The following GPHN variants were observed in gnomAD, a reference collection of about 807,000 sequenced individuals.
GPHN encodes gephyrin.
In GPHN, 17 loss-of-function variants were observed where a neutral mutation model predicts 95.5. That is an observed-to-expected ratio of 0.18 (90% CI 0.12 to 0.27). The LOEUF is 0.27. GPHN is among the 10% of genes least tolerant of loss of function. GPHN has a pLI of 1.00. For synonymous variants in GPHN, 320 were observed against 322.5 expected (o/e 0.99, Z 0.08); for missense variants, 660 against 978.1 (o/e 0.67, Z 4.34).
At chr14:66,573,350 T>A (rs923952316) in intron 1 of GPHN, among the ~76,000 whole-genome samples, 4 of 152,258 alleles carry the variant, frequency 2.6e-5, no homozygotes, top group Non-Finnish European at 4.4e-5. Flanking sequence ...GTCCTGGTAG[T>A]ATTTGTTTAC....
chr14:66,815,284 G>A (rs1452486186), intron 3 of GPHN, among the ~76,000 whole-genome samples: 1 of 152,144 alleles, frequency 6.6e-6, no homozygotes, highest in Non-Finnish European at 1.5e-5. Context: ...CCTAGCTAGA[G>A]AGGCCAACAT....
chr14:67,713,795 T>A, the GPHN span, among the ~76,000 whole-genome samples: 1 of 152,138 alleles, frequency 6.6e-6, no homozygotes, highest in African/African-American at 2.4e-5. Context: ...ACGTGAGACA[T>A]CAATCAACAT....
intron 2 of GPHN, among the ~76,000 whole-genome samples, chr14:66,769,137 C>T (rs898280591): frequency 7.9e-5 from 12 of 151,890 alleles, no homozygotes; most frequent in Non-Finnish European, 1.5e-4. Flanking sequence ...TGTCTCAAGA[C>T]AGTGAAGCAT....
the GPHN span, chr14:67,578,422 T>C: frequency 1.7e-5 from 15 of 860,560 alleles, no homozygotes; most frequent in South Asian, 1.5e-4. The surrounding 1 kb of genome is among the most constrained non-coding windows in gnomAD (Gnocchi z 5.0). Flanking sequence ...CCAGAGCAAG[T>C]TGGGGGCTCT....
At chr14:67,684,990 C>G in the GPHN span, 1 of 1,575,356 alleles carries the variant, frequency 6.3e-7, no homozygotes, top group Non-Finnish European at 8.6e-7. Flanking sequence ...TAAATCTCAT[C>G]TGCAAAAAGA....
the GPHN span, among the ~76,000 whole-genome samples, chr14:67,520,677 A>C: frequency 6.6e-6 from 1 of 152,014 alleles, no homozygotes; most frequent in African/African-American, 2.4e-5. Flanking sequence ...ATAAATTTCC[A>C]ACTCCTTTGG....
chr14:67,615,925 C>G, the GPHN span: 1 of 533,404 alleles, frequency 1.9e-6, no homozygotes. Context: ...AAGAAGTCTG[C>G]AAAGCTGAAG....
the GPHN span, chr14:67,360,272 A>T: frequency 5.0e-6 from 2 of 398,924 alleles, no homozygotes; most frequent in African/African-American, 2.1e-5. Context: ...CTCTATGGTT[A>T]ATGATGAAGA....
chr14:67,468,500 T>A, the GPHN span, among the ~76,000 whole-genome samples: 1 of 152,186 alleles, frequency 6.6e-6, no homozygotes, highest in African/African-American at 2.4e-5. Flanking sequence ...GTGGATGAAG[T>A]CCTTAGTGTT....
the GPHN span, among the ~76,000 whole-genome samples, chr14:67,346,370 G>A: frequency 6.6e-6 from 1 of 152,258 alleles, no homozygotes; most frequent in South Asian, 2.1e-4. Context: ...GGAGTGCAGT[G>A]GTGCGATCTC....
At chr14:67,539,809 C>CA in the GPHN span, among the ~76,000 whole-genome samples, 1 of 152,182 alleles carries the variant, frequency 6.6e-6, no homozygotes, top group Non-Finnish European at 1.5e-5. Flanking sequence ...TCAGTGTCCT[C>CA]ATGTGTGTGT....
the GPHN span, among the ~76,000 whole-genome samples, chr14:67,609,284 T>G: frequency 6.6e-6 from 1 of 152,106 alleles, no homozygotes; most frequent in Non-Finnish European, 1.5e-5. Context: ...GCTTACTGGT[T>G]TATTATAACG....
the GPHN span, among the ~76,000 whole-genome samples, chr14:67,520,382 C>T: frequency 2.4e-4 from 36 of 152,316 alleles, no homozygotes; most frequent in African/African-American, 8.2e-4. Flanking sequence ...GTTCTTTTCA[C>T]CTGCTCTACA....
chr14:66,612,824 TC>T (rs2062840483), intron 1 of GPHN, among the ~76,000 whole-genome samples: 1 of 152,118 alleles, frequency 6.6e-6, no homozygotes, highest in South Asian at 2.1e-4. Flanking sequence ...GTGTAAGTCT[TC>T]TTTTGCTCAA....
At chr14:67,279,561 A>G in the GPHN span, 2 of 1,505,212 alleles carry the variant, frequency 1.3e-6, no homozygotes, top group Non-Finnish European at 1.8e-6. Flanking sequence ...GAGGTATAAC[A>G]GAAAACATTT....
At chr14:67,595,175 C>T in the GPHN span, among the ~76,000 whole-genome samples, 1 of 152,138 alleles carries the variant, frequency 6.6e-6, no homozygotes, top group African/African-American at 2.4e-5. Context: ...AGAACACTTA[C>T]ATTAGCCTAC....
At chr14:66,877,288 T>G (rs1567049350) in intron 4 of GPHN, among the ~76,000 whole-genome samples, 1 of 152,212 alleles carries the variant, frequency 6.6e-6, no homozygotes, top group Non-Finnish European at 1.5e-5. Flanking sequence ...TCATACTGAT[T>G]GGGCAAAAGC....
chr14:67,062,800 T>C (rs1349893913), intron 11 of GPHN, among the ~76,000 whole-genome samples: 3 of 151,946 alleles, frequency 2.0e-5, no homozygotes, highest in Non-Finnish European at 2.9e-5. Flanking sequence ...TTAAGTTCTT[T>C]TAGTAGATTC....
intron 1 of GPHN, among the ~76,000 whole-genome samples, chr14:66,540,275 A>T (rs1292536713): frequency 1.3e-5 from 2 of 152,122 alleles, no homozygotes; most frequent in African/African-American, 2.4e-5. Context: ...GTGGCTCTTA[A>T]AACTTCTGCT....
Sources: allele counts gnomAD v4.1 joint callset (sites outside exome capture counted in the v4.1 genomes callset), GRCh38; gene constraint gnomAD v4.1.1; non-coding constraint Gnocchi (gnomAD v3.1); transcripts MANE v1.5; gene names NCBI Gene and HGNC (gene_info 2026-07-23, HGNC 2026-07-21).